FLT1: variants seen among roughly 807,000 people sequenced by gnomAD.
The protein encoded by FLT1 is fms related receptor tyrosine kinase 1, also known as vascular endothelial growth factor receptor 1.
Under a neutral mutation model 156.3 loss-of-function variants are expected in FLT1, and 49 were observed. The ratio of observed to expected loss-of-function variants is 0.31; its 90% CI spans 0.25 to 0.40. The LOEUF (loss-of-function observed/expected upper bound fraction) is 0.40. Ranked by LOEUF, FLT1 falls within the 10% of genes least tolerant of loss-of-function variation. The pLI is 1.00. For synonymous variants in FLT1, 594 were observed against 583.8 expected (o/e 1.02, Z -0.25); for missense variants, 1,322 against 1,637.2 (o/e 0.81, Z 3.32).
intron 3 of FLT1, among the ~76,000 whole-genome samples, chr13:28,455,974 T>C (rs1165842297): frequency 6.6e-6 from 1 of 152,158 alleles, no homozygotes; most frequent in Non-Finnish European, 1.5e-5. Context: ...CAACAGCAAA[T>C]GTTGGCAAGG....
At chr13:28,327,435 A>C in intron 20 of FLT1, 27 bp downstream of exon 20, 1 of 1,433,218 alleles carries the variant, frequency 7.0e-7, no homozygotes, top group Non-Finnish European at 9.8e-7. Flanking sequence ...GCTATCTTTA[A>C]AAACCTCCAA....
chr13:28,402,969 G>A (rs1406786441), intron 11 of FLT1, among the ~76,000 whole-genome samples: 3 of 152,048 alleles, frequency 2.0e-5, no homozygotes, highest in African/African-American at 4.8e-5. Context: ...TAGTAGAGAC[G>A]GGGTTTTGCC....
At chr13:28,327,697 G>T in intron 19 of FLT1, 147 bp from the exon 20 acceptor site, 3 of 590,502 alleles carry the variant, frequency 5.1e-6, no homozygotes, top group East Asian at 6.7e-5. Context: ...AGAGGCCCAT[G>T]AATACGGTGA....
Position 28,365,640 on chromosome 13 carries a change from C to G in FLT1, c.2117-7955G>C, listed in dbSNP as rs1362962216. ...ATGCTGGGATTACAGGCGTGAGCCA[C>G]CGTGCTCAGCCAGAACTCACTTATA... On this transcript the variant is annotated intron_variant, in intron 14 of 29. Transcript: ENST00000282397. Among the ~76,000 whole-genome samples, 6 of 152,206 alleles carry G rather than the reference C, an allele frequency of 3.9e-5. No homozygotes were observed. In the East Asian group the frequency reaches 5.8e-4, roughly 15 times the overall value.
chr13:28,475,105 T>C lies in FLT1; in HGVS notation c.65-7488A>G, dbSNP rs1039078649. Among the ~76,000 whole-genome samples the C allele has an allele frequency of 4.5e-4, 69 of 152,316 alleles. 2 individuals are homozygous for C. Among genetic ancestry groups the C allele is most frequent in the Admixed American group, 1.2e-3 (19 of 15,302 alleles). ...ACCTAATAGTAGAAGTTTACAAACATGTTGCAAAAAACTTGCTGTTCCCTC... is the reference window on the plus strand; with the variant it reads ...ACCTAATAGTAGAAGTTTACAAACACGTTGCAAAAAACTTGCTGTTCCCTC... On this transcript the variant is annotated intron_variant, in intron 1 of 29. Transcript: ENST00000282397.
intron 14 of FLT1, among the ~76,000 whole-genome samples, chr13:28,383,938 A>T (rs1874199086): frequency 6.6e-6 from 1 of 152,246 alleles, no homozygotes; most frequent in African/African-American, 2.4e-5. Context: ...TATATAAGGA[A>T]CTTGAGCATC....
chr13:28,302,997 A>G lies in FLT1; in HGVS notation c.*170T>C, dbSNP rs1870573725. On this transcript the variant is annotated 3_prime_UTR_variant, in exon 30 of 30. Transcript: ENST00000282397. ...TCACTATTTCTCTATCTGGAGTTAC[A>G]TTCTTGTTAGTCAAAAAAAAAAAAG... 1 of 610,274 alleles carries G rather than the reference A, an allele frequency of 1.6e-6. No individual in the cohort carries two copies. The highest frequency in any genetic ancestry group is 2.9e-6 in the Non-Finnish European group (1 of 349,894). 37.8% of individuals were successfully genotyped at this position (610,274 alleles called of 1,614,324 possible).
At chr13:28,463,615 T>C (rs114328197) in intron 3 of FLT1, among the ~76,000 whole-genome samples, 2,700 of 152,304 alleles carry the variant, frequency 0.018, 86 homozygotes, top group African/African-American at 0.062. Flanking sequence ...AAATACATGA[T>C]AACCAAGTTA....
intron 29 of FLT1, among the ~76,000 whole-genome samples, chr13:28,305,576 G>A (rs993343871): frequency 6.6e-6 from 1 of 152,154 alleles, no homozygotes; most frequent in African/African-American, 2.4e-5. Flanking sequence ...TGTACTCACT[G>A]GCCATGCCCA....
chr13:28,350,898 T>C (rs1433961051), intron 15 of FLT1, among the ~76,000 whole-genome samples: 2 of 151,576 alleles, frequency 1.3e-5, no homozygotes, highest in African/African-American at 4.8e-5. Flanking sequence ...CTTTCTTCCT[T>C]CCTTCTTTCC....
At chr13:28,389,723 G>A in intron 13 of FLT1, 73 bp downstream of exon 13, 1 of 1,612,102 alleles carries the variant, frequency 6.2e-7, no homozygotes, top group Non-Finnish European at 8.5e-7. Flanking sequence ...ATTACTTTGT[G>A]TGGTACAATC....
intron 13 of FLT1, chr13:28,386,124 CT>C (rs1216235281): frequency 9.5e-7 from 1 of 1,052,660 alleles, no homozygotes; most frequent in Non-Finnish European, 1.1e-6. Context: ...ATTTCCTCAT[CT>C]TAGTGTACTA....
rs115458047 is a variant in FLT1, at chr13:28,309,420, T to C, written c.3636-493A>G. On this transcript the variant is annotated intron_variant, in intron 27 of 29. Coordinates refer to ENST00000282397, the MANE Select transcript of FLT1 (RefSeq NM_002019.4). ...TGTGTGTGATTACAGATTGGGAGAA[T>C]TGGGTAGTGTTGTATGATGTCTCTA... 8.8e-3 allele frequency among the ~76,000 whole-genome samples: 1,338 copies of C among 152,180 alleles called. 19 individuals are homozygous for C. Among genetic ancestry groups the C allele is most frequent in the African/African-American group, 0.031 (1,270 of 41,494 alleles).
intron 13 of FLT1, chr13:28,388,549 T>C (rs17086617): frequency 0.29 from 307,224 of 1,047,440 alleles, 46,177 homozygotes; most frequent in East Asian, 0.43. Context: ...GAAAAAGTCA[T>C]TTTCCCTCAA....
intron 25 of FLT1, among the ~76,000 whole-genome samples, chr13:28,314,354 G>T (rs891128921): frequency 7.3e-5 from 11 of 151,708 alleles, no homozygotes; most frequent in African/African-American, 2.4e-4. Context: ...CACTCTTCTT[G>T]CCTAAAATCC....
chr13:28,358,717 TTCTC>T (rs1872999553), intron 14 of FLT1, among the ~76,000 whole-genome samples: 1 of 152,146 alleles, frequency 6.6e-6, no homozygotes, highest in African/African-American at 2.4e-5. Flanking sequence ...CACATTTACA[TTCTC>T]TCTCTCCCAC....
intron 27 of FLT1, 130 bp downstream of exon 27, chr13:28,311,452 ATCTTTCTT>A (rs371755470): frequency 1.2e-6 from 1 of 804,530 alleles, no homozygotes; most frequent in Non-Finnish European, 1.9e-6. Context: ...GATCAACATA[ATCTTTCTT>A]TCTTTCTTTC....
intron 1 of FLT1, among the ~76,000 whole-genome samples, chr13:28,474,452 A>AAAAACAAAAC (rs200005773): frequency 2.0e-5 from 3 of 148,404 alleles, no homozygotes; most frequent in African/African-American, 5.0e-5. Context: ...ACTCTGTCTC[A>AAAAACAAAAC]AAAACAAAAC....
At chr13:28,451,528 C>T (rs902305511) in intron 3 of FLT1, among the ~76,000 whole-genome samples, 3 of 152,210 alleles carry the variant, frequency 2.0e-5, no homozygotes, top group Admixed American at 2.0e-4. Context: ...GATGCCTGGT[C>T]AGACTCCTCT....
Sources: allele counts gnomAD v4.1 joint callset (sites outside exome capture counted in the v4.1 genomes callset), GRCh38; gene constraint gnomAD v4.1.1; transcripts MANE v1.5; gene names NCBI Gene and HGNC (gene_info 2026-07-23, HGNC 2026-07-21).